Variants in HDAC9 observed in about 807,000 individuals in gnomAD.
HDAC9 encodes the protein MEF-2 interacting transcription repressor (MITR) protein.
Under a neutral mutation model 139.4 loss-of-function variants are expected in HDAC9, and 41 were observed. The ratio of observed to expected loss-of-function variants is 0.29; its 90% CI spans 0.23 to 0.38. The LOEUF (loss-of-function observed/expected upper bound fraction) is 0.38, where lower values mean the gene tolerates loss of function less well. HDAC9 is among the 10% of genes least tolerant of loss of function. The pLI, the probability that HDAC9 is intolerant of heterozygous loss-of-function variation, is 1.00. For missense variants in HDAC9, 1,147 were observed against 1,297.0 expected, an observed-to-expected ratio of 0.88 and a Z score of 1.78; for synonymous variants, 517 against 476.2, an observed-to-expected ratio of 1.09 and a Z score of -1.12.
chr7:18,344,923 A>G (rs112397331), intron 1 of HDAC9, among the ~76,000 whole-genome samples: 1 of 152,204 alleles, frequency 6.6e-6, no homozygotes, highest in African/African-American at 2.4e-5. Flanking sequence ...TCTTTAATGA[A>G]CAAATCTTCT....
chr7:18,139,158 C>T (rs1471421785), intron 1 of HDAC9, among the ~76,000 whole-genome samples: 1 of 126,248 alleles, frequency 7.9e-6, no homozygotes, highest in Non-Finnish European at 1.6e-5. Context: ...CAGGCTCTTG[C>T]TCTGTTGCCC....
intron 2 of HDAC9, among the ~76,000 whole-genome samples, chr7:18,186,633 G>A (rs889559447): frequency 6.6e-6 from 1 of 152,238 alleles, no homozygotes; most frequent in East Asian, 1.9e-4. Flanking sequence ...TTTGTGGTCA[G>A]AAGACCTTAA....
chr7:18,326,993 A>C (rs531968650), intron 1 of HDAC9, among the ~76,000 whole-genome samples: 1 of 151,916 alleles, frequency 6.6e-6, no homozygotes, highest in African/African-American at 2.4e-5. Context: ...AAAAGCAATT[A>C]AGAGTTGAAG....
chr7:18,348,800 A>AGC (rs527617682), intron 1 of HDAC9, among the ~76,000 whole-genome samples: 1,594 of 152,242 alleles, frequency 0.01, 22 homozygotes, highest in Middle Eastern at 0.034. Flanking sequence ...TTAAAATTAC[A>AGC]GCTACTATTT....
chr7:18,962,876 A>G (rs1369477821), intron 24 of HDAC9, among the ~76,000 whole-genome samples: 1 of 152,196 alleles, frequency 6.6e-6, no homozygotes, highest in African/African-American at 2.4e-5. Flanking sequence ...TATCAAGTTT[A>G]GGTAGCTTGT....
At chr7:18,600,662 T>C (rs994406637) in intron 6 of HDAC9, among the ~76,000 whole-genome samples, 2 of 152,354 alleles carry the variant, frequency 1.3e-5, no homozygotes, top group East Asian at 1.9e-4. Context: ...GATACCACAC[T>C]GTCTTGATTA....
At chr7:18,852,733 G>C (rs1353113889) in intron 21 of HDAC9, among the ~76,000 whole-genome samples, 2 of 152,106 alleles carry the variant, frequency 1.3e-5, no homozygotes, top group Non-Finnish European at 2.9e-5. Flanking sequence ...TTCTGCAAAG[G>C]TGGGGGATTT....
intron 24 of HDAC9, among the ~76,000 whole-genome samples, chr7:18,960,335 G>A (rs1783444694): frequency 6.6e-6 from 1 of 152,064 alleles, no homozygotes; most frequent in Admixed American, 6.6e-5. Flanking sequence ...TTTATGTTTT[G>A]TATATGTGTT....
At chr7:18,236,282 G>A (rs965491041) in intron 2 of HDAC9, among the ~76,000 whole-genome samples, 6 of 152,226 alleles carry the variant, frequency 3.9e-5, no homozygotes, top group South Asian at 4.1e-4. Flanking sequence ...GGCTGTAATC[G>A]ACAAGTCTTC....
At chr7:18,307,127 G>A (rs1223017254) in intron 1 of HDAC9, among the ~76,000 whole-genome samples, 1 of 151,552 alleles carries the variant, frequency 6.6e-6, no homozygotes, top group Non-Finnish European at 1.5e-5. Context: ...GTGTGTGTGT[G>A]TGTGTGTGTG....
chr7:18,331,314 A>G (rs1015464753), intron 1 of HDAC9, among the ~76,000 whole-genome samples: 1 of 151,604 alleles, frequency 6.6e-6, no homozygotes, highest in Non-Finnish European at 1.5e-5. Flanking sequence ...TACTTTTGTT[A>G]TTAATCTCTG....
At chr7:18,746,466 A>G (rs1787986023) in intron 13 of HDAC9, among the ~76,000 whole-genome samples, 1 of 152,226 alleles carries the variant, frequency 6.6e-6, no homozygotes, top group Admixed American at 6.5e-5. Context: ...TAGAAAATGT[A>G]AAAAGAGGAC....
rs952453050 is a variant in HDAC9 at position 18,981,257 on chromosome 7, G to A, written c.3170+5304G>A. Among the ~76,000 whole-genome samples the A allele has an allele frequency of 2.0e-5, 3 of 152,146 alleles. No individual in the cohort carries two copies. The East Asian group carries it at 5.8e-4, about 29-fold the overall frequency. On this transcript the variant is annotated intron_variant, in intron 25 of 25. Transcript: ENST00000686413. ...AGGACTATCCTCCAACCAGCAGAAT[G>A]AGGAAGAAGAACATGTGAAAATATC...
intron 17 of HDAC9, among the ~76,000 whole-genome samples, chr7:18,821,668 G>C (rs1234437575): frequency 1.3e-5 from 2 of 152,174 alleles, no homozygotes; most frequent in Non-Finnish European, 2.9e-5. Flanking sequence ...GACACTGACT[G>C]GATGTCCTAC....
rs796387357 is a variant in HDAC9 at position 18,938,610 on chromosome 7, T to TA, written c.2937+2677dup. ...GACTCCGTCTCAAAAAAAATAATAATAAAAAAAAATCTCAAAATGCTGAAT... is the reference window on the plus strand; with the variant it reads ...GACTCCGTCTCAAAAAAAATAATAATAAAAAAAAAATCTCAAAATGCTGAAT... On this transcript the variant is annotated intron_variant, in intron 23 of 25. Coordinates refer to ENST00000686413, the MANE Select transcript of HDAC9 (RefSeq NM_178425.4). 2.5e-3 allele frequency among the ~76,000 whole-genome samples: 385 copies of TA among 151,276 alleles called. 5 individuals are homozygous for TA. The highest frequency in any genetic ancestry group is 9.1e-3 in the African/African-American group (375 of 41,228).
At chr7:18,822,168 G>C (rs1270951620) in intron 17 of HDAC9, among the ~76,000 whole-genome samples, 1 of 152,122 alleles carries the variant, frequency 6.6e-6, no homozygotes, top group African/African-American at 2.4e-5. Flanking sequence ...CTCCTCCCCA[G>C]AGGTTGGGCT....
At chr7:18,661,178 G>A (rs1472168611) in intron 11 of HDAC9, among the ~76,000 whole-genome samples, 4 of 151,940 alleles carry the variant, frequency 2.6e-5, no homozygotes, top group East Asian at 3.9e-4. Flanking sequence ...GAATTGCCAG[G>A]GCTTGCTCAC....
At chr7:18,155,202 G>A (rs1769993208) in intron 1 of HDAC9, among the ~76,000 whole-genome samples, 1 of 151,704 alleles carries the variant, frequency 6.6e-6, no homozygotes, top group Non-Finnish European at 1.5e-5. Flanking sequence ...TGATAATGGT[G>A]ACTGTGACTC....
At position 18,917,684 on chromosome 7, in the gene HDAC9, A is replaced by T. The variant is rs1044537010; in HGVS notation, c.2804-18125A>T. 2.0e-5 allele frequency among the ~76,000 whole-genome samples: 3 copies of T among 152,026 alleles called. No homozygotes were observed. The South Asian group carries it at 6.2e-4, about 31-fold the overall frequency. On this transcript the variant is annotated intron_variant, in intron 22 of 25. Coordinates refer to ENST00000686413, the MANE Select transcript of HDAC9 (RefSeq NM_178425.4). ...TGTCCTTTCATTGGACAAAGTAAATAAGTACATTTTTTTCATGTATTCACC... is the reference window on the plus strand; with the variant it reads ...TGTCCTTTCATTGGACAAAGTAAATTAGTACATTTTTTTCATGTATTCACC...
Sources: gnomAD v4.1 joint callset for allele counts (sites outside exome capture counted in the v4.1 genomes callset) on GRCh38, gnomAD v4.1.1 for gene constraint, MANE v1.5 for transcripts, NCBI Gene and HGNC (gene_info 2026-07-23, HGNC 2026-07-21) for gene names.